Variants in AKAP13 observed in about 807,000 individuals in gnomAD.
The protein encoded by AKAP13 is A-kinase anchor protein 13.
Under a neutral mutation model 264.5 loss-of-function variants are expected in AKAP13, and 80 were observed. The ratio of observed to expected loss-of-function variants is 0.30; its 90% CI spans 0.25 to 0.36. AKAP13 has a LOEUF of 0.36. AKAP13 is among the 10% of genes least tolerant of loss of function. AKAP13 has a pLI of 1.00. For missense variants in AKAP13, 3,712 were observed against 3,435.2 expected (o/e 1.08, Z -2.01); for synonymous variants, 1,380 against 1,250.2 (o/e 1.10, Z -2.19).
chr15:85,582,072 T>A lies in AKAP13; in HGVS notation c.4004T>A (p.Ile1335Asn), dbSNP rs1192194091. The change falls in exon 7 of 37, where the codon ATC becomes AAC. Residue 1335 changes from isoleucine (I) to asparagine (N), a missense_variant. Ile to Asn is a moderately radical substitution (Grantham distance 149). Coordinates refer to ENST00000394518, the MANE Select transcript of AKAP13 (RefSeq NM_007200.5). ...CFAGREEPEK[I>N]ILPVQGPEPA... ...GCTGGAAGGGAGGAGCCAGAGAAGA[T>A]CATTTTACCTGTCCAGGGGCCTGAG... The A allele has an allele frequency of 6.2e-7, 1 of 1,612,138 alleles. No homozygotes were observed. Among genetic ancestry groups the A allele is most frequent in the Admixed American group, 1.7e-5 (1 of 59,928 alleles).
intron 2 of AKAP13, among the ~76,000 whole-genome samples, chr15:85,492,758 G>A (rs947054541): frequency 6.6e-6 from 1 of 151,978 alleles, no homozygotes; most frequent in African/African-American, 2.4e-5. Context: ...TATCTCTTTA[G>A]TCTCTTAATT....
At chr15:85,638,040 G>A (rs145601232) in intron 8 of AKAP13, among the ~76,000 whole-genome samples, 267 of 143,144 alleles carry the variant, frequency 1.9e-3, no homozygotes, top group Middle Eastern at 0.01. Flanking sequence ...CACCATGCCT[G>A]GCTAATTTTT....
chr15:85,441,071 A>G (rs959400511), intron 1 of AKAP13, among the ~76,000 whole-genome samples: 3 of 152,186 alleles, frequency 2.0e-5, no homozygotes, highest in African/African-American at 7.2e-5. Context: ...ATGTTTTCAC[A>G]TATGTAGATA....
At chr15:85,703,824 C>CA (rs1303420314) in intron 17 of AKAP13, among the ~76,000 whole-genome samples, 1 of 132,780 alleles carries the variant, frequency 7.5e-6, no homozygotes, top group Non-Finnish European at 1.6e-5. Flanking sequence ...GCTTGGGTGA[C>CA]AGAGCAAGAC....
Position 85,581,069 on chromosome 15 carries a change from G to A in AKAP13, c.3001G>A (p.Val1001Met), listed in dbSNP as rs763868990. 1 of 1,614,046 alleles carries A rather than the reference G, an allele frequency of 6.2e-7. No homozygotes were observed. The change falls in exon 7 of 37, where the codon GTG becomes ATG. Residue 1001 changes from valine to methionine, a missense_variant. Val to Met is a conservative substitution (Grantham distance 21). Around this residue, in one of 3 missense-constraint regions of AKAP13, gnomAD observed 2,759 missense variants for 2,411.7 expected, o/e 1.14. Coordinates refer to ENST00000394518, the MANE Select transcript of AKAP13 (RefSeq NM_007200.5). ...GGCAGAAACTGAACATAACAAGGAA[G>A]TGGCCCCACAAGTCTCACTGCTGAC... Reference protein sequence around the residue: ...LKAETEHNKEVAPQVSLLTQG... With the variant: ...LKAETEHNKEMAPQVSLLTQG...
chr15:85,547,005 G>A (rs930095137), intron 5 of AKAP13, among the ~76,000 whole-genome samples: 1 of 152,166 alleles, frequency 6.6e-6, no homozygotes, highest in Admixed American at 6.5e-5. Context: ...GCCTCCCAAA[G>A]TGCTGGGATT....
At chr15:85,743,898 C>T in intron 36 of AKAP13, 73 bp downstream of exon 36, 1 of 1,502,050 alleles carries the variant, frequency 6.7e-7, no homozygotes, top group Non-Finnish European at 8.9e-7. Flanking sequence ...ATTTTAGTGG[C>T]ATGGGGCGGG....
chr15:85,427,496 C>G (rs145491169), intron 1 of AKAP13, among the ~76,000 whole-genome samples: 95 of 152,092 alleles, frequency 6.2e-4, no homozygotes, highest in African/African-American at 2.1e-3. Flanking sequence ...CTCCTCTAGG[C>G]AAGTTTGTAG....
intron 8 of AKAP13, among the ~76,000 whole-genome samples, chr15:85,631,288 G>A (rs980735834): frequency 6.6e-6 from 1 of 152,084 alleles, no homozygotes; most frequent in African/African-American, 2.4e-5. Context: ...GGATGGGGGT[G>A]AGGCATGACT....
At chr15:85,716,060 G>A (rs1035411091) in intron 20 of AKAP13, 137 bp downstream of exon 20, 72 of 1,114,546 alleles carry the variant, frequency 6.5e-5, no homozygotes, top group African/African-American at 3.8e-4. Context: ...AGACAAGGAC[G>A]ATGGGGATTA....
chr15:85,404,407 T>C (rs1207011953), intron 1 of AKAP13, among the ~76,000 whole-genome samples: 1 of 152,226 alleles, frequency 6.6e-6, no homozygotes, highest in Non-Finnish European at 1.5e-5. Flanking sequence ...GTTCTCTCAC[T>C]GTGGTGAAGT....
chr15:85,439,036 A>G (rs1294428697), intron 1 of AKAP13, among the ~76,000 whole-genome samples: 2 of 149,506 alleles, frequency 1.3e-5, no homozygotes, highest in Non-Finnish European at 3.0e-5. Flanking sequence ...CAGGCAACCT[A>G]CAAAATGGGA....
At chr15:85,435,111 C>T (rs2150936654) in intron 1 of AKAP13, among the ~76,000 whole-genome samples, 1 of 124,680 alleles carries the variant, frequency 8.0e-6, no homozygotes, top group South Asian at 3.0e-4. Context: ...ATAACCAATA[C>T]AGAGAAGTGC....
Position 85,708,328 on chromosome 15 carries a change from A to G in AKAP13, c.5532+242A>G, listed in dbSNP as rs1418745445. Among the ~76,000 whole-genome samples the G allele has an allele frequency of 6.6e-6, 1 of 152,224 alleles. No individual in the cohort carries two copies. Among genetic ancestry groups the G allele is most frequent in the East Asian group, 1.9e-4 (1 of 5,202 alleles). ...CGCTTTCAGAACTTCTTCACGTTCA[A>G]TATACATTTCTTCGTGATTTTAATA... On this transcript the variant is annotated intron_variant, in intron 18 of 36. Transcript: ENST00000394518. The surrounding 1 kb of genome is among the most constrained non-coding windows in gnomAD (Gnocchi z 4.3).
intron 2 of AKAP13, among the ~76,000 whole-genome samples, chr15:85,495,676 G>T (rs959231884): frequency 6.6e-6 from 1 of 152,198 alleles, no homozygotes; most frequent in African/African-American, 2.4e-5. Flanking sequence ...ATCATTACCT[G>T]CCATATGTTT....
chr15:85,652,029 T>A (rs1228802705), intron 10 of AKAP13, among the ~76,000 whole-genome samples: 2 of 152,148 alleles, frequency 1.3e-5, no homozygotes, highest in Non-Finnish European at 2.9e-5. Flanking sequence ...GCAGTAAAAA[T>A]AATGAGTATA....
rs1206334714 is a variant in AKAP13 at position 85,539,698 on chromosome 15, A to T, written c.479-4074A>T. Among the ~76,000 whole-genome samples the T allele has an allele frequency of 2.0e-5, 3 of 152,176 alleles. No individual in the cohort carries two copies. The East Asian group carries it at 5.8e-4, about 29-fold the overall frequency. ...AAGGTGTGTGACAGGTGTGTCCAGCATATAAGTAAATAGAAAGCAGGATGT... is the reference window on the plus strand; with the variant it reads ...AAGGTGTGTGACAGGTGTGTCCAGCTTATAAGTAAATAGAAAGCAGGATGT... On this transcript the variant is annotated intron_variant, in intron 4 of 36. Transcript: ENST00000394518.
intron 1 of AKAP13, among the ~76,000 whole-genome samples, chr15:85,399,509 A>AT (rs2071291978): frequency 3.2e-5 from 2 of 63,328 alleles, no homozygotes; most frequent in African/African-American, 4.8e-5. Flanking sequence ...TCTCAAAAAA[A>AT]AAAAAAAAAA....
At chr15:85,527,174 A>G (rs568927669) in intron 3 of AKAP13, among the ~76,000 whole-genome samples, 69 of 152,264 alleles carry the variant, frequency 4.5e-4, no homozygotes, top group Non-Finnish European at 8.2e-4. Context: ...CGTGTTAGCC[A>G]GGATGGTCTT....
Sources: gnomAD v4.1 joint callset for allele counts (sites outside exome capture counted in the v4.1 genomes callset) on GRCh38, gnomAD v4.1.1 for gene constraint, gnomAD v4.1.1 regional missense constraint, Gnocchi (gnomAD v3.1) non-coding constraint, MANE v1.5 for transcripts, NCBI Gene and HGNC (gene_info 2026-07-23, HGNC 2026-07-21) for gene names.